APC: variants seen among roughly 807,000 people sequenced by gnomAD.
APC encodes the protein APC regulator of Wnt signaling pathway, also known as adenomatous polyposis coli protein.
In APC, 72 loss-of-function variants were observed where a neutral mutation model predicts 247.0. The ratio of observed to expected loss-of-function variants is 0.29; its 90% CI spans 0.24 to 0.35. The LOEUF (loss-of-function observed/expected upper bound fraction) is 0.35, where lower values mean the gene tolerates loss of function less well. Among genes scored for constraint, APC ranks in the 10% least tolerant of loss-of-function variants. The pLI is 1.00. For synonymous variants in APC, 1,254 were observed against 1,162.5 expected, an observed-to-expected ratio of 1.08 and a Z score of -1.60; for missense variants, 3,400 against 3,360.7, an observed-to-expected ratio of 1.01 and a Z score of -0.29.
chr5:112,810,261 G>A, intron 8 of APC: 1 of 380,520 alleles, frequency 2.6e-6, no homozygotes, highest in Non-Finnish European at 5.2e-6. Context: ...TTAGATAGGA[G>A]GAGGGGAACT....
chr5:112,839,208 G>A lies in APC; in HGVS notation c.3614G>A (p.Ser1205Asn), dbSNP rs1338663112. Residue 1205 changes from serine (S) to asparagine (N), a missense_variant, in exon 16 of 16, where the codon AGC becomes AAC. Physicochemically the swap from Ser to Asn is conservative, Grantham distance 46. Transcript: ENST00000257430. This position sits in a 1 kb window ranked among gnomAD's most constrained non-coding sequence, Gnocchi z 5.0. ...TTCTCAAAGAGTTCATCTGGACAAA[G>A]CAGTAAAACCGAACATATGTCTTCA... ...FSFSKSSSGQSSKTEHMSSSS... is the reference protein window; with the variant it reads ...FSFSKSSSGQNSKTEHMSSSS... 1 of 1,614,162 alleles carries A rather than the reference G, an allele frequency of 6.2e-7. No individual in the cohort carries two copies. The highest frequency in any genetic ancestry group is 8.5e-7 in the Non-Finnish European group (1 of 1,180,026).
intron 2 of APC, among the ~76,000 whole-genome samples, chr5:112,764,102 C>T (rs894260318): frequency 2.7e-5 from 4 of 150,256 alleles, no homozygotes; most frequent in East Asian, 2.0e-4. Context: ...AAAAATTAGC[C>T]GGGCGTGGTG....
intron 1 of APC, among the ~76,000 whole-genome samples, chr5:112,727,175 C>A (rs1378610172): frequency 6.6e-6 from 1 of 151,694 alleles, no homozygotes; most frequent in African/African-American, 2.4e-5. Flanking sequence ...TCCAGTAATG[C>A]TAGATAGATT....
At chr5:112,811,784 A>G (rs1762006429) in intron 8 of APC, among the ~76,000 whole-genome samples, 1 of 152,246 alleles carries the variant, frequency 6.6e-6, no homozygotes, top group Non-Finnish European at 1.5e-5. Context: ...ATTGCCCCCA[A>G]AACTTAACAG....
intron 1 of APC, among the ~76,000 whole-genome samples, chr5:112,748,786 C>T (rs946646980): frequency 5.3e-5 from 8 of 152,148 alleles, no homozygotes; most frequent in African/African-American, 1.4e-4. Flanking sequence ...GCACTCCAGC[C>T]TGGGCAACAG....
rs768590443 is a variant in APC, at chr5:112,842,973, C to T, written c.7379C>T (p.Ala2460Val). The change falls in exon 16 of 16, where the codon GCT becomes GTT. Residue 2460 changes from alanine to valine, a missense_variant. Around this residue, in one of 9 missense-constraint regions of APC, gnomAD observed 1,788 missense variants for 1,649.5 expected, o/e 1.08. Transcript: ENST00000257430. ...PTLRRKLEES[A>V]SFESLSPSSR... ...TTAAGAAGAAAATTGGAGGAATCTGCTTCATTTGAATCTCTTTCTCCATCA... is the reference window on the plus strand; with the variant it reads ...TTAAGAAGAAAATTGGAGGAATCTGTTTCATTTGAATCTCTTTCTCCATCA... The T allele has an allele frequency of 3.7e-6, 6 of 1,614,068 alleles. No individual in the cohort carries two copies. Among genetic ancestry groups the T allele is most frequent in the Admixed American group, 1.7e-5 (1 of 60,010 alleles).
At chr5:112,762,266 A>G (rs1296472685) in intron 2 of APC, among the ~76,000 whole-genome samples, 2 of 152,238 alleles carry the variant, frequency 1.3e-5, no homozygotes, top group Non-Finnish European at 2.9e-5. Context: ...CATTGCTGAG[A>G]GAAGTATTAA....
At chr5:112,801,668 G>A (rs559024261) in intron 8 of APC, among the ~76,000 whole-genome samples, 11 of 151,986 alleles carry the variant, frequency 7.2e-5, no homozygotes, top group African/African-American at 2.7e-4. Flanking sequence ...GCTGCATTTT[G>A]ATTATGTATA....
At chr5:112,716,714 T>A (rs1581016753) in intron 1 of APC, among the ~76,000 whole-genome samples, 2 of 152,372 alleles carry the variant, frequency 1.3e-5, no homozygotes, top group South Asian at 2.1e-4. Flanking sequence ...AATTTGAGGC[T>A]ATGCTATTAG....
In APC at chr5:112,754,900, G is replaced by T. The variant is rs774219012; in HGVS notation, c.10G>T (p.Ala4Ser). 3 of 1,613,640 alleles carry T rather than the reference G, an allele frequency of 1.9e-6. No homozygotes were observed. The African/African-American group carries it at 4.0e-5, about 22-fold the overall frequency. Residue 4 changes from alanine (A) to serine (S), a missense_variant, in exon 2 of 16, where the codon GCT becomes TCT. By Grantham distance (99) the Ala-to-Ser change is moderately conservative. Transcript: ENST00000257430. The part of the protein sequence containing the change: MAA[A>S]SYDQLLKQVE... Reference sequence around the variant, plus strand: ...CCAAGGGTAGCCAAGGATGGCTGCAGCTTCATATGATCAGTTGTTAAAGCA... The same window carrying T: ...CCAAGGGTAGCCAAGGATGGCTGCATCTTCATATGATCAGTTGTTAAAGCA...
At chr5:112,774,464 ATTTTT>A (rs35554771) in intron 4 of APC, among the ~76,000 whole-genome samples, 9 of 121,276 alleles carry the variant, frequency 7.4e-5, no homozygotes, top group East Asian at 2.4e-4. Context: ...TGCAAGATCG[ATTTTT>A]TTTTTTTTTT....
At chr5:112,744,254 A>AT (rs1188010655) in intron 1 of APC, among the ~76,000 whole-genome samples, 1 of 152,148 alleles carries the variant, frequency 6.6e-6, no homozygotes, top group African/African-American at 2.4e-5. Context: ...AACAAGGCAT[A>AT]TTGTCTTACT....
At chr5:112,760,106 G>A (rs959942421) in intron 2 of APC, among the ~76,000 whole-genome samples, 2 of 152,074 alleles carry the variant, frequency 1.3e-5, no homozygotes, top group Non-Finnish European at 2.9e-5. Flanking sequence ...TCTTCCTGGG[G>A]TATATTGATT....
chr5:112,808,406 G>A (rs1337019535), intron 8 of APC, among the ~76,000 whole-genome samples: 2 of 152,080 alleles, frequency 1.3e-5, no homozygotes, highest in Non-Finnish European at 2.9e-5. Context: ...TTTAGTTATT[G>A]AAGAACTAAA....
chr5:112,773,026 T>C (rs1472328543), intron 4 of APC, among the ~76,000 whole-genome samples: 4 of 152,200 alleles, frequency 2.6e-5, no homozygotes, highest in Non-Finnish European at 4.4e-5. Context: ...TGCTTTCTCC[T>C]GTTCCTGTTG....
Position 112,775,546 on chromosome 5 carries a change from A to G in APC, c.423-83A>G, listed in dbSNP as rs536641097. On this transcript the variant is annotated intron_variant, in intron 4 of 15. Transcript: ENST00000257430. ...AGCACTTTAGGTAGAGAAGTTTGCA[A>G]TAACAACTGATGTAAGTATTGCTCT... The G allele has an allele frequency of 7.4e-5, 60 of 807,130 alleles. No individual in the cohort carries two copies. In the South Asian group the frequency reaches 7.9e-4, roughly 11 times the overall value. 50.0% of individuals were successfully genotyped at this position (807,130 alleles called of 1,614,324 possible).
At chr5:112,786,258 C>T (rs1758939383) in intron 6 of APC, among the ~76,000 whole-genome samples, 1 of 145,090 alleles carries the variant, frequency 6.9e-6, no homozygotes, top group Non-Finnish European at 1.6e-5. Context: ...CTGCCTAACC[C>T]ATGTTTTTTA....
chr5:112,782,967 A>G (rs1291148250), intron 6 of APC, among the ~76,000 whole-genome samples: 2 of 152,214 alleles, frequency 1.3e-5, no homozygotes, highest in Non-Finnish European at 2.9e-5. Flanking sequence ...GAATTATTTT[A>G]AAATGTTAGG....
upstream of APC, among the ~76,000 whole-genome samples, chr5:112,737,296 A>G (rs1752454847): frequency 6.6e-6 from 1 of 152,188 alleles, no homozygotes; most frequent in Non-Finnish European, 1.5e-5. Flanking sequence ...CTAGAGTGAC[A>G]GGAGTAAAGC....
Sources: allele counts gnomAD v4.1 joint callset (sites outside exome capture counted in the v4.1 genomes callset), GRCh38; gene constraint gnomAD v4.1.1; regional missense constraint gnomAD v4.1.1; non-coding constraint Gnocchi (gnomAD v3.1); transcripts MANE v1.5; gene names NCBI Gene and HGNC (gene_info 2026-07-23, HGNC 2026-07-21).